CDK13: variants seen among roughly 807,000 people sequenced by gnomAD.
CDK13 encodes cyclin dependent kinase 13, also known as cyclin-dependent kinase 13.
Under a neutral mutation model 137.6 loss-of-function variants are expected in CDK13, and 40 were observed. The ratio of observed to expected loss-of-function variants is 0.29; its 90% CI spans 0.23 to 0.38. CDK13 has a LOEUF of 0.38. Among genes scored for constraint, CDK13 ranks in the 10% least tolerant of loss-of-function variants. The pLI, the probability that CDK13 is intolerant of heterozygous loss-of-function variation, is 1.00. For synonymous variants in CDK13, 869 were observed against 760.1 expected (o/e 1.14, Z -2.36); for missense variants, 1,704 against 1,951.8 (o/e 0.87, Z 2.39).
Position 40,062,733 on chromosome 7 carries a change from A to C in CDK13, c.2601-93A>C, listed in dbSNP as rs1041319328. ...GATGAAAGTGTTTTTAGTTAGGATT[A>C]TAGGGATTGCTTTAGTAAAATAATA... On this transcript the variant is annotated intron_variant, in intron 7 of 13. Coordinates refer to ENST00000181839, the MANE Select transcript of CDK13 (RefSeq NM_003718.5). 10 of 888,682 alleles carry C rather than the reference A, an allele frequency of 1.1e-5. No individual in the cohort carries two copies. In the African/African-American group the frequency reaches 1.5e-4, roughly 13 times the overall value. The allele number at this position is 888,682 out of a possible 1,614,324, so 55.0% of individuals were successfully genotyped here.
At chr7:39,975,430 C>T (rs1024606778) in intron 1 of CDK13, among the ~76,000 whole-genome samples, 2 of 151,858 alleles carry the variant, frequency 1.3e-5, no homozygotes, top group African/African-American at 4.8e-5. Flanking sequence ...ACAAAAAAAA[C>T]CCCTCAAATA....
intron 5 of CDK13, among the ~76,000 whole-genome samples, chr7:40,013,640 G>T (rs1013012968): frequency 6.6e-6 from 1 of 152,150 alleles, no homozygotes; most frequent in African/African-American, 2.4e-5. Context: ...CTGCTAATGC[G>T]TGTGAGGTTT....
intron 1 of CDK13, among the ~76,000 whole-genome samples, chr7:39,966,632 C>G (rs1462035183): frequency 6.6e-6 from 1 of 152,186 alleles, no homozygotes; most frequent in African/African-American, 2.4e-5. Flanking sequence ...CATTCTCTGT[C>G]CAGCTTTGTT....
intron 1 of CDK13, among the ~76,000 whole-genome samples, chr7:39,970,016 G>GC (rs1246576467): frequency 1.4e-5 from 2 of 146,388 alleles, no homozygotes; most frequent in African/African-American, 5.1e-5. Context: ...TGTGATTTAT[G>GC]CTTTTTTTTT....
intron 13 of CDK13, 79 bp from the exon 14 acceptor site, chr7:40,094,051 C>A: frequency 6.7e-7 from 1 of 1,496,260 alleles, no homozygotes; most frequent in South Asian, 1.3e-5. Context: ...TTAGAACTAC[C>A]TACAGGAAAC....
chr7:40,099,402 C>T lies in CDK13; in HGVS notation c.*4422C>T, dbSNP rs1303702527. The T allele has an allele frequency of 3.3e-5, 5 of 152,144 alleles. No individual in the cohort carries two copies. Among genetic ancestry groups the T allele is most frequent in the African/African-American group, 4.8e-5 (2 of 41,432 alleles). 9.4% of individuals were successfully genotyped at this position (152,144 alleles called of 1,614,324 possible). ...AGGCTCTATAGTGAATACAGAATCA[C>T]TCTTCTAAGTTTTTTCCCAGTTAAT... On this transcript the variant is annotated 3_prime_UTR_variant, in exon 14 of 14. Coordinates refer to ENST00000181839, the MANE Select transcript of CDK13 (RefSeq NM_003718.5).
intron 9 of CDK13, among the ~76,000 whole-genome samples, chr7:40,075,922 A>G (rs1039870760): frequency 1.3e-5 from 2 of 152,092 alleles, no homozygotes; most frequent in Admixed American, 6.5e-5. Flanking sequence ...TTCCCCCTAC[A>G]CTGATTTACA....
Position 39,976,323 on chromosome 7 carries a change from T to TCTCTCTCTCACA in CDK13, c.1212-11275_1212-11274insTCTCTCTCACAC. Among the ~76,000 whole-genome samples the TCTCTCTCTCACA allele has an allele frequency of 7.8e-3, 309 of 39,518 alleles. 8 individuals carry two copies. The highest frequency in any genetic ancestry group is 0.012 in the Non-Finnish European group (212 of 17,084). The allele number at this position is 39,518 out of a possible 152,430, so 25.9% of individuals were successfully genotyped here. A position where few individuals can be genotyped will look rare whatever the true frequency, so the allele number is the denominator to read the frequency against. Reference sequence around the variant, plus strand: ...CTCTCTCTCTCTCTCTCTCTCTCTCTCACACACACACACACACACACACAC... The same window carrying TCTCTCTCTCACA: ...CTCTCTCTCTCTCTCTCTCTCTCTCTCTCTCTCTCACACACACACACACACACACACACACAC... On this transcript the variant is annotated intron_variant, in intron 1 of 13. Coordinates refer to ENST00000181839, the MANE Select transcript of CDK13 (RefSeq NM_003718.5).
At chr7:40,052,672 T>TC (rs1243398932) in intron 7 of CDK13, among the ~76,000 whole-genome samples, 2 of 152,180 alleles carry the variant, frequency 1.3e-5, no homozygotes, top group African/African-American at 4.8e-5. Context: ...AGTATCGCCA[T>TC]CTAGTGGCTT....
chr7:40,096,400 A>G lies in CDK13; in HGVS notation c.*1420A>G, dbSNP rs959603666. ...ATGGAGTAGTCCTTATTTAAACTGT[A>G]ATGGTGTCAAGTCTCACTGTGTGCA... is the stretch of plus-strand genomic sequence containing the variant. On this transcript the variant is annotated 3_prime_UTR_variant, in exon 14 of 14. Transcript: ENST00000181839. 2 of 152,088 alleles carry G rather than the reference A, an allele frequency of 1.3e-5. No homozygotes were observed. The highest frequency in any genetic ancestry group is 2.9e-5 in the Non-Finnish European group (2 of 67,996). The allele number at this position is 152,088 out of a possible 1,614,324, so 9.4% of individuals were successfully genotyped here.
intron 11 of CDK13, among the ~76,000 whole-genome samples, chr7:40,085,050 A>T (rs1786755620): frequency 6.6e-6 from 1 of 152,188 alleles, no homozygotes; most frequent in African/African-American, 2.4e-5. Flanking sequence ...TATTAAGATC[A>T]TCCATAAAGA....
At chr7:39,975,476 A>G (rs990306668) in intron 1 of CDK13, among the ~76,000 whole-genome samples, 3 of 152,164 alleles carry the variant, frequency 2.0e-5, no homozygotes, top group East Asian at 1.9e-4. Flanking sequence ...ATATATTAAT[A>G]TAAGTATTCA....
chr7:40,039,832 C>T (rs116847237), intron 5 of CDK13, among the ~76,000 whole-genome samples: 6,496 of 152,034 alleles, frequency 0.043, 210 homozygotes, highest in Non-Finnish European at 0.058. Flanking sequence ...TTTAGCCATG[C>T]AGAGGATTTT....
chr7:40,065,220 G>A (rs1017597275), intron 9 of CDK13, among the ~76,000 whole-genome samples: 12 of 151,854 alleles, frequency 7.9e-5, no homozygotes, highest in Middle Eastern at 6.8e-3. Flanking sequence ...ACTCCAAAAC[G>A]TTGAAATACT....
chr7:39,990,352 C>T (rs1784432560), intron 2 of CDK13, among the ~76,000 whole-genome samples: 1 of 152,018 alleles, frequency 6.6e-6, no homozygotes, highest in Non-Finnish European at 1.5e-5. Flanking sequence ...TTCATGAGCA[C>T]TTCTACTACA....
chr7:40,047,913 G>A, intron 7 of CDK13, 36 bp downstream of exon 7: 7 of 1,329,544 alleles, frequency 5.3e-6, no homozygotes, highest in South Asian at 1.2e-5. Flanking sequence ...GTAGATACTA[G>A]AGTTTAGTAT....
intron 1 of CDK13, chr7:39,985,892 C>A (rs1784326808): frequency 6.6e-6 from 1 of 152,200 alleles, no homozygotes; most frequent in African/African-American, 2.4e-5. Flanking sequence ...TGCCTCACAG[C>A]AACCATGGCG....
intron 2 of CDK13, among the ~76,000 whole-genome samples, chr7:39,996,839 T>TA (rs1784569600): frequency 6.6e-6 from 1 of 151,706 alleles, no homozygotes; most frequent in African/African-American, 2.4e-5. Flanking sequence ...GGCGGGCACC[T>TA]GTAATCCCAG....
intron 1 of CDK13, among the ~76,000 whole-genome samples, chr7:39,980,096 T>C (rs897275681): frequency 4.6e-5 from 7 of 152,028 alleles, no homozygotes; most frequent in African/African-American, 1.7e-4. Context: ...CTTTGTGGAG[T>C]TTTCTGTTAC....
Sources: allele counts gnomAD v4.1 joint callset (sites outside exome capture counted in the v4.1 genomes callset), GRCh38; gene constraint gnomAD v4.1.1; transcripts MANE v1.5; gene names NCBI Gene and HGNC (gene_info 2026-07-23, HGNC 2026-07-21).